Variants in FBRSL1 observed in about 807,000 individuals in gnomAD.
FBRSL1 encodes the protein fibrosin-1-like protein.
A neutral mutation model predicts 89.6 loss-of-function variants in FBRSL1; 51 were observed. The observed-to-expected ratio is 0.57, with a 90% CI of 0.45 to 0.72. FBRSL1 has a LOEUF of 0.72. Ranked by LOEUF, FBRSL1 falls within the 30% of genes least tolerant of loss-of-function variation. The pLI, the probability that FBRSL1 is intolerant of heterozygous loss-of-function variation, is 0.00. For synonymous variants in FBRSL1, 779 were observed against 681.1 expected, an observed-to-expected ratio of 1.14 and a Z score of -2.24; for missense variants, 1,618 against 1,451.8, an observed-to-expected ratio of 1.11 and a Z score of -1.86.
At chr12:132,517,380 C>T (rs371911232) in intron 2 of FBRSL1, among the ~76,000 whole-genome samples, 21 of 152,336 alleles carry the variant, frequency 1.4e-4, no homozygotes, top group Admixed American at 5.2e-4. Context: ...CGTTCCGGGG[C>T]GAGCATGGCC....
intron 5 of FBRSL1, chr12:132,565,568 C>T (rs961416150): frequency 1.3e-5 from 2 of 152,190 alleles, no homozygotes; most frequent in African/African-American, 4.8e-5. Context: ...TTCATGTATC[C>T]GTGTGTGTAC....
chr12:132,527,340 A>G (rs1187398207), intron 3 of FBRSL1, among the ~76,000 whole-genome samples: 1 of 152,166 alleles, frequency 6.6e-6, no homozygotes, highest in Non-Finnish European at 1.5e-5. Context: ...TCTTGGGGAC[A>G]GGGAGCTAGC....
chr12:132,514,138 C>T (rs1161595187), intron 2 of FBRSL1, among the ~76,000 whole-genome samples: 7 of 152,274 alleles, frequency 4.6e-5, no homozygotes, highest in African/African-American at 1.7e-4. Flanking sequence ...CGTCAGGGCT[C>T]GGCTCCTCCG....
chr12:132,549,320 C>T (rs1027561263), intron 5 of FBRSL1, among the ~76,000 whole-genome samples: 3 of 152,194 alleles, frequency 2.0e-5, no homozygotes, highest in African/African-American at 7.2e-5. Flanking sequence ...GTTGGGGACG[C>T]GTCCTGGTGG....
At chr12:132,578,997 G>A (rs964729053) in intron 15 of FBRSL1, among the ~76,000 whole-genome samples, 4 of 152,136 alleles carry the variant, frequency 2.6e-5, no homozygotes, top group East Asian at 1.9e-4. Context: ...TCAGTGTGGC[G>A]CCCAGTTCTG....
intron 18 of FBRSL1, 54 bp from the exon 19 acceptor site, chr12:132,582,917 C>T (rs533512579): frequency 1.3e-4 from 166 of 1,314,042 alleles, no homozygotes; most frequent in Admixed American, 9.8e-4. Flanking sequence ...CGGGGCTGCG[C>T]CGCGCGGCAG....
intron 4 of FBRSL1, among the ~76,000 whole-genome samples, chr12:132,532,730 G>T (rs1423078313): frequency 6.6e-6 from 1 of 152,328 alleles, no homozygotes; most frequent in African/African-American, 2.4e-5. Context: ...AGGGTGGGAG[G>T]GGGGGCCAGG....
At chr12:132,496,741 G>A (rs1279119538) in intron 1 of FBRSL1, among the ~76,000 whole-genome samples, 9 of 152,264 alleles carry the variant, frequency 5.9e-5, no homozygotes, top group South Asian at 4.1e-4. Context: ...TCTGATGGGC[G>A]CTCTGTCTTG....
Position 132,584,402 on chromosome 12 carries a change from T to C in FBRSL1, c.*624T>C, listed in dbSNP as rs182549291. The C allele has an allele frequency of 1.3e-5, 2 of 152,356 alleles. No homozygotes were observed. Among genetic ancestry groups the C allele is most frequent in the Admixed American group, 6.5e-5 (1 of 15,308 alleles). 9.4% of individuals were successfully genotyped at this position (152,356 alleles called of 1,614,324 possible). ...AGTCTGTTGATATAAATATATGACG[T>C]TACTAAATTCTTAATCTAGATAGAC... On this transcript the variant is annotated 3_prime_UTR_variant, in exon 19 of 19. Coordinates refer to ENST00000680143, the MANE Select transcript of FBRSL1 (RefSeq NM_001367871.1).
At chr12:132,506,110 G>T (rs959666084) in intron 1 of FBRSL1, among the ~76,000 whole-genome samples, 1 of 152,152 alleles carries the variant, frequency 6.6e-6, no homozygotes, top group Non-Finnish European at 1.5e-5. Flanking sequence ...GCCCTGTCTG[G>T]GGCTGAGCAG....
In FBRSL1 at chr12:132,582,124, C is replaced by A. The variant is rs1221578753; in HGVS notation, c.2059C>A (p.His687Asn). The part of the protein sequence containing the change: ...GSSVHGLPSP[H>N]EAWNRLHRAP... ...CTCCGTGCACGGCCTGCCCAGCCCC[C>A]ATGAGGCCTGGAACCGACTGCACCG... Residue 687 changes from histidine (H) to asparagine (N), a missense_variant, in exon 18 of 19, where the codon CAT (histidine) becomes AAT (asparagine). Transcript: ENST00000680143. 2.6e-6 allele frequency: 4 copies of A among 1,549,866 alleles called. No homozygotes were observed. In the East Asian group the frequency reaches 9.8e-5, roughly 38 times the overall value.
Position 132,583,997 on chromosome 12 carries a change from C to T in FBRSL1, c.*219C>T, listed in dbSNP as rs548026104. 1.2e-4 allele frequency: 31 copies of T among 261,322 alleles called. No homozygotes were observed. The highest frequency in any genetic ancestry group is 6.3e-4 in the African/African-American group (28 of 44,436). 16.2% of individuals were successfully genotyped at this position (261,322 alleles called of 1,614,324 possible). ...TTGGGAAAAAAAAATCGCGTTTGTA[C>T]CTTTTCCCCCCACAGATGAGAAGTG... On this transcript the variant is annotated 3_prime_UTR_variant, in exon 19 of 19. Transcript: ENST00000680143.
intron 2 of FBRSL1, chr12:132,510,244 G>A (rs1186882329): frequency 8.1e-7 from 1 of 1,231,836 alleles, no homozygotes; most frequent in Non-Finnish European, 1.0e-6. Flanking sequence ...TCACTCCTGG[G>A]GCAGCCGGGC....
chr12:132,571,401 G>T, intron 9 of FBRSL1, 170 bp downstream of exon 9: 1 of 1,550,970 alleles, frequency 6.4e-7, no homozygotes, highest in Non-Finnish European at 8.7e-7. Context: ...CTCTGCTGCG[G>T]GCGGAGTTCC....
chr12:132,570,973 GC>G (rs1364000709), intron 8 of FBRSL1, 94 bp from the exon 9 acceptor site: 8 of 844,194 alleles, frequency 9.5e-6, no homozygotes, highest in Non-Finnish European at 1.1e-5. Context: ...GCTGGGGACG[GC>G]CCCGTGTCCC....
Position 132,583,699 on chromosome 12 carries a change from C to T in FBRSL1, c.2930C>T (p.Thr977Ile). 1 of 1,187,914 alleles carries T rather than the reference C, an allele frequency of 8.4e-7. No homozygotes were observed. The highest frequency in any genetic ancestry group is 1.0e-6 in the Non-Finnish European group (1 of 959,852). 73.6% of individuals were successfully genotyped at this position (1,187,914 alleles called of 1,614,324 possible). Residue 977 changes from threonine to isoleucine, a missense_variant, in exon 19 of 19, where the codon ACT becomes ATT. Transcript: ENST00000680143. ...TPPGPPRSRT[T>I]PLGGLGPGEA... ...CCCGGGCCGCCGCGGAGCCGGACTA[C>T]TCCGCTGGGGGGCCTCGGGCCGGGC...
chr12:132,514,503 G>A (rs1476975096), intron 2 of FBRSL1, among the ~76,000 whole-genome samples: 1 of 152,244 alleles, frequency 6.6e-6, no homozygotes, highest in Non-Finnish European at 1.5e-5. Flanking sequence ...GACATCCCTA[G>A]CAGTTCACAA....
rs558410630 is a variant in FBRSL1, at chr12:132,546,554, C to G, written c.616-1449C>G. ...CTTGGCCACGGCTGAAAGGCCAGAC[C>G]GGGGGGACCCTAGGAGAGGGCTTGG... On this transcript the variant is annotated intron_variant, in intron 4 of 18. Coordinates refer to ENST00000680143, the MANE Select transcript of FBRSL1 (RefSeq NM_001367871.1). The surrounding 1 kb of genome is among the most constrained non-coding windows in gnomAD (Gnocchi z 4.0). 1.3e-3 allele frequency among the ~76,000 whole-genome samples: 198 copies of G among 151,212 alleles called. No individual in the cohort carries two copies. The highest frequency in any genetic ancestry group is 4.9e-3 in the South Asian group (23 of 4,742).
At chr12:132,553,520 C>G (rs944398965) in intron 5 of FBRSL1, 1 of 152,240 alleles carries the variant, frequency 6.6e-6, no homozygotes, top group Admixed American at 6.5e-5. Context: ...GGGACAGCAC[C>G]CCACCCTGAG....
Sources: allele counts gnomAD v4.1 joint callset (sites outside exome capture counted in the v4.1 genomes callset), GRCh38; gene constraint gnomAD v4.1.1; non-coding constraint Gnocchi (gnomAD v3.1); transcripts MANE v1.5; gene names NCBI Gene and HGNC (gene_info 2026-07-23, HGNC 2026-07-21).